The following NYNRIN variants were observed in gnomAD, a reference collection of about 807,000 sequenced individuals.
NYNRIN encodes the protein NYN domain and retroviral integrase containing.
NYNRIN carries 86 observed loss-of-function variants against 146.6 expected under a neutral mutation model. The observed-to-expected ratio is 0.59, with a 90% CI of 0.49 to 0.70. The LOEUF (loss-of-function observed/expected upper bound fraction) is 0.70, where lower values mean the gene tolerates loss of function less well. Among genes scored for constraint, NYNRIN ranks in the 30% least tolerant of loss-of-function variants. The pLI is 0.00. For synonymous variants in NYNRIN, 1,027 were observed against 1,001.3 expected (o/e 1.03, Z -0.48); for missense variants, 2,191 against 2,377.7 (o/e 0.92, Z 1.63).
Position 24,416,519 on chromosome 14 carries a change from C to T in NYNRIN, c.4770C>T (p.Ile1590=). 1 of 1,613,802 alleles carries T rather than the reference C, an allele frequency of 6.2e-7. No individual in the cohort carries two copies. Among genetic ancestry groups the T allele is most frequent in the Non-Finnish European group, 8.5e-7 (1 of 1,179,838 alleles). ...ACTGCAGGAGCTGCTTGTTCTGCAT[C>T]CCCCGAAATCTCATAGGCAGCGAGT... is the stretch of plus-strand genomic sequence containing the variant. ...KDYCRSCLFC[I]PRNLIGSELK... The change falls in exon 9 of 9, where the codon ATC becomes ATT. Residue 1590 remains isoleucine (I), a synonymous_variant. Coordinates refer to ENST00000382554, the MANE Select transcript of NYNRIN (RefSeq NM_025081.3).
In NYNRIN at chr14:24,411,014, C is replaced by T; in HGVS notation, c.2415-62C>T. ...TGCTGGCATTGCTTGCTTGCTGCCC[C>T]AGGGCTGGCTCTGAGGGAGGAGTGG... On this transcript the variant is annotated intron_variant, in intron 4 of 8. Transcript: ENST00000382554. The surrounding 1 kb of genome is among the most constrained non-coding windows in gnomAD (Gnocchi z 4.3). 1.2e-6 allele frequency: 2 copies of T among 1,603,706 alleles called. No homozygotes were observed. The highest frequency in any genetic ancestry group is 1.7e-6 in the Non-Finnish European group (2 of 1,175,330).
At position 24,415,815 on chromosome 14, in the gene NYNRIN, G is replaced by A; in HGVS notation, c.4066G>A (p.Ala1356Thr). The A allele has an allele frequency of 6.2e-7, 1 of 1,613,920 alleles. No homozygotes were observed. The highest frequency in any genetic ancestry group is 8.5e-7 in the Non-Finnish European group (1 of 1,179,880). ...SPYTPTYAHL[A>T]AVACGLERFG... ...TTACACGCCAACCTATGCCCACCTG[G>A]CAGCCGTGGCCTGCGGCCTGGAGCG... Residue 1356 changes from alanine to threonine, a missense_variant, in exon 9 of 9, where the codon GCA (alanine) becomes ACA (threonine). Coordinates refer to ENST00000382554, the MANE Select transcript of NYNRIN (RefSeq NM_025081.3).
chr14:24,409,797 T>C lies in NYNRIN; in HGVS notation c.2003T>C (p.Val668Ala), dbSNP rs796386133. 6.2e-7 allele frequency: 1 copy of C among 1,610,454 alleles called. No homozygotes were observed. Among genetic ancestry groups the C allele is most frequent in the East Asian group, 2.2e-5 (1 of 44,876 alleles). ...TCCAAAGCACCTGCAGCTCCCAAAGTACCTGTGACCCCCAGAGTCTCCAGA... is the reference window on the plus strand; with the variant it reads ...TCCAAAGCACCTGCAGCTCCCAAAGCACCTGTGACCCCCAGAGTCTCCAGA... ...AASKAPAAPK[V>A]PVTPRVSRAP... The change falls in exon 4 of 9, where the codon GTA becomes GCA. Residue 668 changes from valine (V) to alanine (A), a missense_variant. Val to Ala is a moderately conservative substitution (Grantham distance 64, BLOSUM62 0). Coordinates refer to ENST00000382554, the MANE Select transcript of NYNRIN (RefSeq NM_025081.3).
rs763296422 is a variant in NYNRIN at position 24,409,260 on chromosome 14, T to G, written c.1466T>G (p.Leu489Arg). 1.4e-5 allele frequency: 23 copies of G among 1,613,898 alleles called. No individual in the cohort carries two copies. The highest frequency in any genetic ancestry group is 1.9e-5 in the Non-Finnish European group (23 of 1,179,884). ...IGPPLTSTPQLQAGGEPGDQG... is the reference protein window; with the variant it reads ...IGPPLTSTPQRQAGGEPGDQG... ...CCACCCTTGACCTCTACACCCCAAC[T>G]ACAGGCTGGAGGTGAGCCGGGGGAT... The change falls in exon 4 of 9, where the codon CTA (leucine) becomes CGA (arginine). Residue 489 changes from leucine to arginine, a missense_variant. Leu to Arg is a moderately radical substitution (Grantham distance 102). Transcript: ENST00000382554.
chr14:24,399,121 G>A (rs915543709), intron 1 of NYNRIN, 35 bp downstream of exon 1: 18 of 880,178 alleles, frequency 2.0e-5, no homozygotes, highest in Non-Finnish European at 3.0e-5. Flanking sequence ...GAGGCCGTGC[G>A]GGGGGCGCGC....
chr14:24,409,527 C>T lies in NYNRIN; in HGVS notation c.1733C>T (p.Ala578Val), dbSNP rs754402081. Residue 578 changes from alanine to valine, a missense_variant, in exon 4 of 9, where the codon GCA becomes GTA. By Grantham distance (64) the Ala-to-Val change is moderately conservative (BLOSUM62 0). This residue lies in a region of NYNRIN where 895 missense variants were observed against 941.2 expected (regional missense o/e 0.95). Coordinates refer to ENST00000382554, the MANE Select transcript of NYNRIN (RefSeq NM_025081.3). ...PKLPTSRMML[A>V]VHTEPAAPEV... is the part of the protein sequence containing the mutation. ...CTGCCTACATCTCGAATGATGCTGG[C>T]AGTGCACACAGAGCCTGCAGCTCCC... 8.7e-6 allele frequency: 14 copies of T among 1,612,780 alleles called. No individual in the cohort carries two copies. Among genetic ancestry groups the T allele is most frequent in the Non-Finnish European group, 1.2e-5 (14 of 1,179,408 alleles).
chr14:24,418,139 G>A lies in NYNRIN; in HGVS notation c.*693G>A, dbSNP rs2042961128. 1 of 397,576 alleles carries A rather than the reference G, an allele frequency of 2.5e-6. No individual in the cohort carries two copies. Among genetic ancestry groups the A allele is most frequent in the Non-Finnish European group, 5.0e-6 (1 of 198,052 alleles). The allele number at this position is 397,576 out of a possible 1,614,324, so 24.6% of individuals were successfully genotyped here. A position where few individuals can be genotyped will look rare whatever the true frequency, so the allele number is the denominator to read the frequency against. On this transcript the variant is annotated 3_prime_UTR_variant, in exon 9 of 9. Coordinates refer to ENST00000382554, the MANE Select transcript of NYNRIN (RefSeq NM_025081.3). ...TTGTCAGCATGGGAAGGGCAAGGGG[G>A]AAATGGGTTGGCCTACCTCATTTGA...
chr14:24,413,974 A>G (rs2042928630), intron 8 of NYNRIN, among the ~76,000 whole-genome samples: 1 of 152,232 alleles, frequency 6.6e-6, no homozygotes, highest in South Asian at 2.1e-4. Flanking sequence ...TTCATTTTAT[A>G]GATGAGGAAT....
Position 24,399,450 on chromosome 14 carries a change from C to CA in NYNRIN, c.198+7dup, listed in dbSNP as rs773714172. On this transcript the variant is annotated splice_region_variant and intron_variant, in intron 2 of 8. Coordinates refer to ENST00000382554, the MANE Select transcript of NYNRIN (RefSeq NM_025081.3). ...AGAACATGGGCAAAGCCAAGGTAAACAGCTTCTCCCCACCCCCACCCATCT... is the reference window on the plus strand; with the variant it reads ...AGAACATGGGCAAAGCCAAGGTAAACAAGCTTCTCCCCACCCCCACCCATCT... The CA allele has an allele frequency of 2.5e-6, 4 of 1,603,470 alleles. No individual in the cohort carries two copies. In the Admixed American group the frequency reaches 5.1e-5, roughly 20 times the overall value.
At position 24,414,818 on chromosome 14, in the gene NYNRIN, G is replaced by C; in HGVS notation, c.3069G>C (p.Leu1023=). The change falls in exon 9 of 9, where the codon CTG becomes CTC. Residue 1023 remains leucine, a synonymous_variant. Transcript: ENST00000382554. ...AGGAGGACGACCTTGACTCTTCGCT[G>C]GCGTCAGTGTTCAGGGTGGAGTGCC... ...AAEEDDLDSS[L]ASVFRVECPS... 6.2e-7 allele frequency: 1 copy of C among 1,613,694 alleles called. No individual in the cohort carries two copies. The highest frequency in any genetic ancestry group is 1.1e-5 in the South Asian group (1 of 91,050).
In NYNRIN at chr14:24,399,101, C is replaced by T. The variant is rs776078382; in HGVS notation, c.-18+15C>T. 2.7e-6 allele frequency: 2 copies of T among 736,862 alleles called. No individual in the cohort carries two copies. Among genetic ancestry groups the T allele is most frequent in the East Asian group, 3.0e-5 (1 of 33,704 alleles). 45.6% of individuals were successfully genotyped at this position (736,862 alleles called of 1,614,324 possible). On this transcript the variant is annotated intron_variant, in intron 1 of 8. Coordinates refer to ENST00000382554, the MANE Select transcript of NYNRIN (RefSeq NM_025081.3). ...AGCCGTGCGGGGTGGGTCCCGCCGC[C>T]TGGAGGAAGGAGGCCGTGCGGGGGG...
At position 24,409,968 on chromosome 14, in the gene NYNRIN, C is replaced by A. The variant is rs1201916164; in HGVS notation, c.2174C>A (p.Pro725His). 2 of 1,613,794 alleles carry A rather than the reference C, an allele frequency of 1.2e-6. No homozygotes were observed. Among genetic ancestry groups the A allele is most frequent in the East Asian group, 4.5e-5 (2 of 44,878 alleles). Residue 725 changes from proline (P) to histidine (H), a missense_variant, in exon 4 of 9, where the codon CCC becomes CAC. Physicochemically the swap from Pro to His is moderately conservative, Grantham distance 77. Transcript: ENST00000382554. ...CAGGGGCAGGCTGGAAGGCAGGGTC[C>A]CCAGTCCAGTGGCACCTTGGCCCTC... ...KGQGQAGRQG[P>H]QSSGTLALSS...
At chr14:24,407,796 T>C (rs1336372297) in intron 2 of NYNRIN, 73 bp from the exon 3 acceptor site, 1 of 1,422,278 alleles carries the variant, frequency 7.0e-7, no homozygotes, top group Non-Finnish European at 9.5e-7. Context: ...GCTGGCCTTT[T>C]GGGTGGCGAG....
chr14:24,401,197 C>A (rs1170744844), intron 2 of NYNRIN, among the ~76,000 whole-genome samples: 1 of 152,182 alleles, frequency 6.6e-6, no homozygotes, highest in Non-Finnish European at 1.5e-5. Flanking sequence ...CAGGGTTCTT[C>A]GGACCGCAGA....
Position 24,418,350 on chromosome 14 carries a change from G to A in NYNRIN, c.*904G>A. 2.2e-6 allele frequency: 1 copy of A among 451,356 alleles called. No homozygotes were observed. The allele number at this position is 451,356 out of a possible 1,614,324, so 28.0% of individuals were successfully genotyped here. On this transcript the variant is annotated 3_prime_UTR_variant, in exon 9 of 9. Transcript: ENST00000382554. Reference sequence around the variant, plus strand: ...AGGAGTGGCACACGGTGAAGTGCTGGCATGGCTCTACCTCCCAACCCCTCC... The same window carrying A: ...AGGAGTGGCACACGGTGAAGTGCTGACATGGCTCTACCTCCCAACCCCTCC...
chr14:24,414,064 C>A (rs2042929132), intron 8 of NYNRIN, among the ~76,000 whole-genome samples: 1 of 152,210 alleles, frequency 6.6e-6, no homozygotes, highest in African/African-American at 2.4e-5. Flanking sequence ...TCCTCTGCTG[C>A]CCACCTGCCA....
intron 4 of NYNRIN, 114 bp from the exon 5 acceptor site, chr14:24,410,962 G>A: frequency 1.6e-6 from 2 of 1,278,690 alleles, no homozygotes; most frequent in South Asian, 1.3e-5. Flanking sequence ...TGGAGGGAAG[G>A]GGAGAGGGCA....
Position 24,415,751 on chromosome 14 carries a change from C to T in NYNRIN, c.4002C>T (p.Pro1334=), listed in dbSNP as rs755718032. ...CAGFGLYVLS[P]TSPPVSLSFS... ...GCTTTGGTCTCTATGTTCTATCGCCCACCAGCCCCCCTGTCTCCCTTTCCT... is the reference window on the plus strand; with the variant it reads ...GCTTTGGTCTCTATGTTCTATCGCCTACCAGCCCCCCTGTCTCCCTTTCCT... The change falls in exon 9 of 9, where the codon CCC becomes CCT. Residue 1334 remains proline, a synonymous_variant. Transcript: ENST00000382554. 23 of 1,613,534 alleles carry T rather than the reference C, an allele frequency of 1.4e-5. No individual in the cohort carries two copies. In the Admixed American group the frequency reaches 3.8e-4, roughly 27 times the overall value.
In NYNRIN at chr14:24,417,429, A is replaced by G; in HGVS notation, c.5680A>G (p.Lys1894Glu). ...FAKSGTPLSFKVLEQ is the reference protein window; with the variant it reads ...FAKSGTPLSFEVLEQ ...CAAGAGTGGCACCCCGCTGTCCTTC[A>G]AGGTCTTGGAGCAGTGAGCGGGAGC... Residue 1894 changes from lysine to glutamate, a missense_variant, in exon 9 of 9, where the codon AAG becomes GAG. Transcript: ENST00000382554. The G allele has an allele frequency of 6.6e-7, 1 of 1,509,966 alleles. No individual in the cohort carries two copies. The highest frequency in any genetic ancestry group is 8.9e-7 in the Non-Finnish European group (1 of 1,127,106). The allele number at this position is 1,509,966 out of a possible 1,614,324, so 93.5% of individuals were successfully genotyped here.
Sources: allele counts gnomAD v4.1 joint callset (sites outside exome capture counted in the v4.1 genomes callset), GRCh38; gene constraint gnomAD v4.1.1; regional missense constraint gnomAD v4.1.1; non-coding constraint Gnocchi (gnomAD v3.1); transcripts MANE v1.5; gene names NCBI Gene and HGNC (gene_info 2026-07-23, HGNC 2026-07-21).